The following MROH7 variants were observed in gnomAD, a reference collection of about 807,000 sequenced individuals.
MROH7 encodes the protein maestro heat-like repeat-containing protein family member 7.
Under a neutral mutation model 129.2 loss-of-function variants are expected in MROH7, and 113 were observed. That is an observed-to-expected ratio of 0.87 (90% CI 0.75 to 1.02). The LOEUF (loss-of-function observed/expected upper bound fraction) is 1.02. Ranked by LOEUF, MROH7 falls within the 50% of genes least tolerant of loss-of-function variation. MROH7 has a pLI of 0.00. For missense variants in MROH7, 1,601 were observed against 1,671.3 expected, an observed-to-expected ratio of 0.96 and a Z score of 0.73; for synonymous variants, 655 against 667.9, an observed-to-expected ratio of 0.98 and a Z score of 0.30.
intron 5 of MROH7, 112 bp from the exon 6 acceptor site, chr1:54,670,385 A>G: frequency 2.5e-6 from 2 of 792,618 alleles, no homozygotes; most frequent in Non-Finnish European, 4.1e-6. Context: ...CGGGAGGAGC[A>G]CTTGAGGGTA....
At chr1:54,686,831 A>G (rs1645155930) in intron 15 of MROH7, among the ~76,000 whole-genome samples, 1 of 152,206 alleles carries the variant, frequency 6.6e-6, no homozygotes, top group African/African-American at 2.4e-5. Flanking sequence ...CTCAAAAGAC[A>G]TTAAAAGGAA....
intron 4 of MROH7, among the ~76,000 whole-genome samples, chr1:54,668,011 C>T (rs539833815): frequency 2.6e-5 from 4 of 152,328 alleles, no homozygotes; most frequent in Non-Finnish European, 5.9e-5. Flanking sequence ...TCTTCTGCTC[C>T]ACAGTATAGA....
At position 54,695,444 on chromosome 1, in the gene MROH7, G is replaced by A. The variant is rs773558683; in HGVS notation, c.2918G>A (p.Arg973Gln). The change falls in exon 17 of 24, where the codon CGA becomes CAA. Residue 973 changes from arginine to glutamine, a missense_variant. By Grantham distance (43) the Arg-to-Gln change is conservative. Coordinates refer to ENST00000421030, the MANE Select transcript of MROH7 (RefSeq NM_001039464.4). ...TACCTGCTCATCCCGCTCCTGGAGC[G>A]AGGCGACGAGAAGCACAGGATCACG... is the stretch of plus-strand genomic sequence containing the variant. ...ILYLLIPLLE[R>Q]GDEKHRITAT... is the part of the protein sequence containing the mutation. The A allele has an allele frequency of 2.5e-5, 41 of 1,613,816 alleles. No homozygotes were observed. Among genetic ancestry groups the A allele is most frequent in the Non-Finnish European group, 3.1e-5 (36 of 1,179,934 alleles).
chr1:54,701,040 G>A, intron 18 of MROH7, 103 bp from the exon 19 acceptor site: 2 of 1,278,880 alleles, frequency 1.6e-6, no homozygotes, highest in East Asian at 2.4e-5. Context: ...GCCTGGAAGT[G>A]GGGATTGGGC....
At position 54,653,327 on chromosome 1, in the gene MROH7, C is replaced by T. The variant is rs1557691220; in HGVS notation, c.401C>T (p.Thr134Ile). The T allele has an allele frequency of 6.2e-7, 1 of 1,614,234 alleles. No homozygotes were observed. The highest frequency in any genetic ancestry group is 8.5e-7 in the Non-Finnish European group (1 of 1,180,040). Reference protein sequence around the residue: ...ASNPILSPSSTEAPRLSSGNH... With the variant: ...ASNPILSPSSIEAPRLSSGNH... Reference sequence around the variant, plus strand: ...AACCCCATTCTGAGCCCTAGCTCTACTGAGGCCCCTCGTCTGAGCTCTGGG... The same window carrying T: ...AACCCCATTCTGAGCCCTAGCTCTATTGAGGCCCCTCGTCTGAGCTCTGGG... Residue 134 changes from threonine to isoleucine, a missense_variant, in exon 3 of 24, where the codon ACT (threonine) becomes ATT (isoleucine). Thr to Ile is a moderately conservative substitution (Grantham distance 89). Coordinates refer to ENST00000421030, the MANE Select transcript of MROH7 (RefSeq NM_001039464.4).
At chr1:54,670,220 G>T (rs543682952) in intron 5 of MROH7, among the ~76,000 whole-genome samples, 1 of 152,280 alleles carries the variant, frequency 6.6e-6, no homozygotes, top group African/African-American at 2.4e-5. Context: ...TTTAATCCCA[G>T]CATTTTGGGA....
intron 19 of MROH7, 40 bp from the exon 20 acceptor site, chr1:54,702,050 C>G (rs1368006158): frequency 6.7e-7 from 1 of 1,498,320 alleles, no homozygotes; most frequent in Non-Finnish European, 9.0e-7. Flanking sequence ...GAGTGGCGTC[C>G]CAGAGGAGGG....
intron 13 of MROH7, among the ~76,000 whole-genome samples, chr1:54,681,757 T>G (rs191743030): frequency 6.6e-6 from 1 of 152,184 alleles, no homozygotes; most frequent in South Asian, 2.1e-4. Context: ...AGAGGCTCCC[T>G]GATATTATGT....
intron 22 of MROH7, among the ~76,000 whole-genome samples, chr1:54,707,509 G>A (rs1383879175): frequency 6.6e-6 from 1 of 152,184 alleles, no homozygotes; most frequent in African/African-American, 2.4e-5. Flanking sequence ...TGGCGATAGG[G>A]GGTGGCTGTT....
intron 14 of MROH7, among the ~76,000 whole-genome samples, chr1:54,684,406 C>T (rs1645115427): frequency 6.6e-6 from 1 of 152,246 alleles, no homozygotes; most frequent in South Asian, 2.1e-4. Context: ...GTGCCTAAGG[C>T]ACCAGCACTC....
rs76564791 is a variant in MROH7 at position 54,686,892 on chromosome 1, C to T, written c.2711+444C>T. On this transcript the variant is annotated intron_variant, in intron 15 of 23. Transcript: ENST00000421030. Reference sequence around the variant, plus strand: ...TTATGTTCCCAAAGACAACCAAGTTCTTCATGCCCTCCCAGAGGAGGATTA... The same window carrying T: ...TTATGTTCCCAAAGACAACCAAGTTTTTCATGCCCTCCCAGAGGAGGATTA... 9.4e-3 allele frequency among the ~76,000 whole-genome samples: 1,429 copies of T among 152,232 alleles called. 19 individuals are homozygous for T. Among genetic ancestry groups the T allele is most frequent in the African/African-American group, 0.033 (1,353 of 41,526 alleles).
chr1:54,688,364 G>A (rs980496809), intron 15 of MROH7, among the ~76,000 whole-genome samples: 67 of 151,230 alleles, frequency 4.4e-4, no homozygotes, highest in African/African-American at 1.4e-3. Context: ...AAGCCACCAT[G>A]TCCAGGCCAG....
chr1:54,653,652 A>G lies in MROH7; in HGVS notation c.726A>G (p.Pro242=), dbSNP rs764760062. Residue 242 remains proline, a synonymous_variant, in exon 3 of 24, where the codon CCA becomes CCG. Transcript: ENST00000421030. ...VAPDSHGTLI[P]DTNETITLAS... ...CAGATTCTCATGGGACCCTAATCCC[A>G]GACACAAATGAGACCATCACTTTGG... is the stretch of plus-strand genomic sequence containing the variant. 7 of 1,614,200 alleles carry G rather than the reference A, an allele frequency of 4.3e-6. No homozygotes were observed. Among genetic ancestry groups the G allele is most frequent in the Non-Finnish European group, 5.9e-6 (7 of 1,180,040 alleles).
chr1:54,663,330 CTT>C (rs1305751212), intron 3 of MROH7, among the ~76,000 whole-genome samples: 1 of 152,052 alleles, frequency 6.6e-6, no homozygotes, highest in Non-Finnish European at 1.5e-5. Context: ...TTCAAGCAAA[CTT>C]TTGTAAAGAC....
chr1:54,651,353 C>G (rs1378789827), intron 1 of MROH7: 5 of 152,358 alleles, frequency 3.3e-5, no homozygotes, highest in Middle Eastern at 6.8e-3. Flanking sequence ...GGCCTGAGAA[C>G]TTTCAGGTGG....
chr1:54,677,029 CAG>C (rs1463692615), intron 10 of MROH7, among the ~76,000 whole-genome samples: 1 of 151,984 alleles, frequency 6.6e-6, no homozygotes, highest in Non-Finnish European at 1.5e-5. Context: ...TTTGTACAGA[CAG>C]AGTTTCTCCA....
chr1:54,663,162 T>C (rs750238900), intron 3 of MROH7, among the ~76,000 whole-genome samples: 18 of 152,220 alleles, frequency 1.2e-4, no homozygotes, highest in Admixed American at 9.8e-4. Context: ...ACTATGTGAA[T>C]ATCCCATTCC....
chr1:54,674,840 C>G (rs1477645674), intron 10 of MROH7, among the ~76,000 whole-genome samples: 2 of 152,198 alleles, frequency 1.3e-5, no homozygotes, highest in Non-Finnish European at 2.9e-5. Flanking sequence ...GGTTTAAACT[C>G]TCCTGGCTCT....
chr1:54,681,111 G>A (rs192045337), intron 13 of MROH7, among the ~76,000 whole-genome samples: 1 of 152,290 alleles, frequency 6.6e-6, no homozygotes, highest in East Asian at 1.9e-4. Flanking sequence ...GGCACCCAGG[G>A]CATAACATTT....
Sources: allele counts gnomAD v4.1 joint callset (sites outside exome capture counted in the v4.1 genomes callset), GRCh38; gene constraint gnomAD v4.1.1; transcripts MANE v1.5; gene names NCBI Gene and HGNC (gene_info 2026-07-23, HGNC 2026-07-21).